Variants in CNTNAP5 observed in about 807,000 individuals in gnomAD.
CNTNAP5 encodes contactin-associated protein-like 5.
In CNTNAP5, 72 loss-of-function variants were observed where a neutral mutation model predicts 150.2. The ratio of observed to expected loss-of-function variants is 0.48; its 90% confidence interval spans 0.40 to 0.58. The LOEUF (loss-of-function observed/expected upper bound fraction) is 0.58, where lower values mean the gene tolerates loss of function less well. Ranked by LOEUF, CNTNAP5 falls within the 20% of genes least tolerant of loss-of-function variation. The pLI, the probability that CNTNAP5 is intolerant of heterozygous loss-of-function variation, is 0.00. For synonymous variants in CNTNAP5, 672 were observed against 619.8 expected (o/e 1.08, Z -1.25); for missense variants, 1,636 against 1,626.2 (o/e 1.01, Z -0.10).
intron 1 of CNTNAP5, among the ~76,000 whole-genome samples, chr2:124,034,995 TCCC>T (rs1465463793): frequency 3.1e-5 from 3 of 96,138 alleles, no homozygotes; most frequent in African/African-American, 7.3e-5. Context: ...AAGTCCTCCC[TCCC>T]CTCCCCTCCC....
intron 3 of CNTNAP5, among the ~76,000 whole-genome samples, chr2:124,272,921 A>G: frequency 6.6e-6 from 1 of 152,230 alleles, no homozygotes; most frequent in Non-Finnish European, 1.5e-5. Context: ...TAACTATTGG[A>G]TGAACAAATG....
In CNTNAP5 at chr2:124,372,578, C is replaced by T. The variant is rs1429431245; in HGVS notation, c.382-44865C>T. 6.6e-5 allele frequency among the ~76,000 whole-genome samples: 10 copies of T among 152,134 alleles called. No homozygotes were observed. In the South Asian group the frequency reaches 8.3e-4, roughly 13 times the overall value. On this transcript the variant is annotated intron_variant, in intron 3 of 23. Transcript: ENST00000682447. ...GTGATTTGTAGCCAACTTCTGACAA[C>T]GAAGTGAATCAACCTTAGGATGAAG...
At chr2:124,353,089 C>T (rs944365381) in intron 3 of CNTNAP5, among the ~76,000 whole-genome samples, 10 of 151,994 alleles carry the variant, frequency 6.6e-5, no homozygotes, top group African/African-American at 2.4e-4. Context: ...GAAAGGAGAG[C>T]CCCAGCTGAC....
chr2:124,682,566 G>A (rs1220715718), intron 13 of CNTNAP5, among the ~76,000 whole-genome samples: 4 of 152,182 alleles, frequency 2.6e-5, no homozygotes, highest in Admixed American at 2.0e-4. Context: ...CTGGGAAGAA[G>A]GGGAAAAATG....
Position 124,747,284 on chromosome 2 carries a change from G to A in CNTNAP5, c.2133G>A (p.Trp711Ter). Residue 711 changes from tryptophan to a stop codon, truncating the protein, a stop_gained, in exon 14 of 24, where the codon TGG (tryptophan) becomes TGA (stop). Coordinates refer to ENST00000682447, the MANE Select transcript of CNTNAP5 (RefSeq NM_001367498.1). LOFTEE classifies it high-confidence loss of function. ...IGRSNERHPY[W>*]GGSPPGVQQC... is the part of the protein sequence containing the mutation. ...GGTCCAATGAAAGGCACCCTTACTGGGGAGGTTCCCCTCCTGGGGTCCAGC... is the reference window on the plus strand; with the variant it reads ...GGTCCAATGAAAGGCACCCTTACTGAGGAGGTTCCCCTCCTGGGGTCCAGC... 1 of 1,613,770 alleles carries A rather than the reference G, an allele frequency of 6.2e-7. No homozygotes were observed. Among genetic ancestry groups the A allele is most frequent in the Admixed American group, 1.7e-5 (1 of 60,014 alleles).
Position 124,034,020 on chromosome 2 carries a change from C to T in CNTNAP5, c.82+8288C>T, listed in dbSNP as rs183324865. On this transcript the variant is annotated intron_variant, in intron 1 of 23. Transcript: ENST00000682447. ...AAAGAACAGGGATGTTCTAGGTGTG[C>T]AAAACAAGTGTTGCTGCTTTCCTAT... Among the ~76,000 whole-genome samples, 11 of 152,220 alleles carry T rather than the reference C, an allele frequency of 7.2e-5. No individual in the cohort carries two copies. The East Asian group carries it at 2.1e-3, about 29-fold the overall frequency.
intron 13 of CNTNAP5, among the ~76,000 whole-genome samples, chr2:124,714,601 A>T (rs538036342): frequency 6.6e-6 from 1 of 152,216 alleles, no homozygotes; most frequent in African/African-American, 2.4e-5. Flanking sequence ...GTAAGCCCAG[A>T]GTAGCTCCTA....
chr2:124,753,855 G>A (rs183036544), intron 14 of CNTNAP5, among the ~76,000 whole-genome samples: 1 of 152,138 alleles, frequency 6.6e-6, no homozygotes, highest in Admixed American at 6.5e-5. Flanking sequence ...TCAATTAAAT[G>A]ATTAATTTTT....
intron 3 of CNTNAP5, among the ~76,000 whole-genome samples, chr2:124,305,277 C>T (rs571813671): frequency 1.3e-5 from 2 of 148,222 alleles, no homozygotes; most frequent in African/African-American, 5.0e-5. Flanking sequence ...AAAAAAAAAA[C>T]AGACAAACAA....
At chr2:124,369,696 G>A (rs569017539) in intron 3 of CNTNAP5, among the ~76,000 whole-genome samples, 27 of 152,196 alleles carry the variant, frequency 1.8e-4, no homozygotes, top group Non-Finnish European at 2.1e-4. Flanking sequence ...AGCTTGCTAC[G>A]GTGTTCACTA....
intron 17 of CNTNAP5, among the ~76,000 whole-genome samples, chr2:124,786,531 A>G (rs1681599728): frequency 6.8e-6 from 1 of 147,676 alleles, no homozygotes; most frequent in Non-Finnish European, 1.5e-5. Context: ...AAGAGAAAGA[A>G]AGGAAAGAAA....
At chr2:124,752,464 C>T (rs1038257472) in intron 14 of CNTNAP5, among the ~76,000 whole-genome samples, 1 of 151,970 alleles carries the variant, frequency 6.6e-6, no homozygotes, top group Non-Finnish European at 1.5e-5. Flanking sequence ...TGACACAGCT[C>T]ACAAGGTTGA....
chr2:124,346,847 G>A (rs1689747687), intron 3 of CNTNAP5, among the ~76,000 whole-genome samples: 1 of 147,794 alleles, frequency 6.8e-6, no homozygotes, highest in African/African-American at 2.5e-5. Flanking sequence ...GAGGTGGGAG[G>A]ATCACCTGAG....
chr2:124,680,880 A>T (rs1679052218), intron 13 of CNTNAP5: 1 of 151,760 alleles, frequency 6.6e-6, no homozygotes, highest in South Asian at 2.1e-4. Context: ...GGTAAGATTA[A>T]GGGGATGAGG....
intron 19 of CNTNAP5, among the ~76,000 whole-genome samples, chr2:124,818,907 T>C (rs1368346555): frequency 1.3e-5 from 2 of 152,200 alleles, no homozygotes; most frequent in African/African-American, 4.8e-5. Flanking sequence ...ATTTCTAGGA[T>C]GTGCCCAGCA....
chr2:124,706,130 T>C (rs1164255065), intron 13 of CNTNAP5, among the ~76,000 whole-genome samples: 1 of 152,210 alleles, frequency 6.6e-6, no homozygotes. Flanking sequence ...TCTAGGTTAC[T>C]GCTCCACACC....
At chr2:124,735,988 T>A (rs1358309287) in intron 13 of CNTNAP5, among the ~76,000 whole-genome samples, 1 of 152,152 alleles carries the variant, frequency 6.6e-6, no homozygotes, top group Non-Finnish European at 1.5e-5. Context: ...CACAGCACTT[T>A]GGGAGGCTGA....
intron 1 of CNTNAP5, among the ~76,000 whole-genome samples, chr2:124,093,402 C>T (rs1682859157): frequency 1.3e-5 from 2 of 152,282 alleles, no homozygotes; most frequent in Non-Finnish European, 2.9e-5. Context: ...ATGATTGCTG[C>T]CTGTAGATTC....
chr2:124,412,716 T>C (rs1010503383), intron 3 of CNTNAP5, among the ~76,000 whole-genome samples: 6 of 112,266 alleles, frequency 5.3e-5, no homozygotes, highest in Admixed American at 4.8e-4. Flanking sequence ...TTACACCTTA[T>C]ACAAAAATCA....
Sources: allele counts gnomAD v4.1 joint callset (sites outside exome capture counted in the v4.1 genomes callset), GRCh38; gene constraint gnomAD v4.1.1; transcripts MANE v1.5; gene names NCBI Gene and HGNC (gene_info 2026-07-23, HGNC 2026-07-21).